Variants in WDR36 observed in about 807,000 individuals in gnomAD.
The protein encoded by WDR36 is WD repeat domain 36.
WDR36 carries 63 observed loss-of-function variants against 112.7 expected under a neutral mutation model. The observed-to-expected ratio is 0.56, with a 90% CI of 0.46 to 0.69. The LOEUF (loss-of-function observed/expected upper bound fraction) is 0.69, where lower values mean the gene tolerates loss of function less well. Ranked by LOEUF, WDR36 falls within the 30% of genes least tolerant of loss-of-function variation. WDR36 has a pLI of 0.00. For synonymous variants in WDR36, 410 were observed against 362.2 expected, an observed-to-expected ratio of 1.13 and a Z score of -1.50; for missense variants, 1,226 against 1,070.3, an observed-to-expected ratio of 1.15 and a Z score of -2.03.
At position 111,092,489 on chromosome 5, in the gene WDR36, C is replaced by T. The variant is rs774101906; in HGVS notation, c.33C>T (p.Ser11=). ...GGGCCTCAGAAAGGCGCACGGCCAG[C>T]GCGCTTTTTGCGGGGTTCCGGGCCT... MERASERRTA[S]ALFAGFRALG... The change falls in exon 1 of 23, where the codon AGC becomes AGT. Residue 11 remains serine, a synonymous_variant. Coordinates refer to ENST00000513710, the MANE Select transcript of WDR36 (RefSeq NM_139281.3). 11 of 1,614,112 alleles carry T rather than the reference C, an allele frequency of 6.8e-6. No individual in the cohort carries two copies. In the East Asian group the frequency reaches 1.1e-4, roughly 16 times the overall value.
chr5:111,109,624 T>A (rs1753287458), intron 12 of WDR36, among the ~76,000 whole-genome samples: 1 of 151,316 alleles, frequency 6.6e-6, no homozygotes, highest in Admixed American at 6.6e-5. Context: ...AAAAAATATA[T>A]TGACATAATA....
intron 16 of WDR36, among the ~76,000 whole-genome samples, chr5:111,114,471 C>G (rs17132785): frequency 0.032 from 4,839 of 152,190 alleles, 257 homozygotes; most frequent in African/African-American, 0.11. Flanking sequence ...CCTTCGAGTT[C>G]GAAACAGGCC....
In WDR36 at chr5:111,128,652, A is replaced by C. The variant is rs1449025880; in HGVS notation, c.*1769A>C. The C allele has an allele frequency of 1.6e-5, 3 of 182,072 alleles. No homozygotes were observed. The highest frequency in any genetic ancestry group is 3.5e-5 in the Non-Finnish European group (3 of 85,330). 11.3% of individuals were successfully genotyped at this position (182,072 alleles called of 1,614,324 possible). A position where few individuals can be genotyped will look rare whatever the true frequency, so the allele number is the denominator to read the frequency against. On this transcript the variant is annotated 3_prime_UTR_variant, in exon 23 of 23. Transcript: ENST00000513710. The stretch of plus-strand genomic sequence containing the variant: ...ATTTTCTTCTCTTTTTAAAGTGAGC[A>C]TAAAGACTTAAGTGTATTGTTACCA...
Position 111,127,034 on chromosome 5 carries a change from T to G in WDR36, c.*151T>G. 1.3e-6 allele frequency: 1 copy of G among 774,070 alleles called. No individual in the cohort carries two copies. Among genetic ancestry groups the G allele is most frequent in the South Asian group, 2.3e-5 (1 of 42,922 alleles). The allele number at this position is 774,070 out of a possible 1,614,324, so 48.0% of individuals were successfully genotyped here. ...CCACTTTAAATGCTAAATACTTTCT[T>G]GAAATAAAATCGCACCTCCCGGCCA... On this transcript the variant is annotated 3_prime_UTR_variant, in exon 23 of 23. Transcript: ENST00000513710.
At chr5:111,125,853 T>C in intron 22 of WDR36, 58 bp downstream of exon 22, 2 of 1,591,330 alleles carry the variant, frequency 1.3e-6, no homozygotes, top group Non-Finnish European at 8.6e-7. Context: ...CAGTGCTATC[T>C]AACAGAACTT....
chr5:111,109,058 A>G (rs1753273441), intron 12 of WDR36, among the ~76,000 whole-genome samples: 1 of 151,332 alleles, frequency 6.6e-6, no homozygotes, highest in Non-Finnish European at 1.5e-5. Context: ...TGGCTTAGAT[A>G]ATACATTAGA....
At chr5:111,124,318 G>T in intron 21 of WDR36, 129 bp downstream of exon 21, 3 of 787,386 alleles carry the variant, frequency 3.8e-6, no homozygotes, top group South Asian at 2.1e-5. Context: ...TGAAATTTTG[G>T]TTTTAATTTG....
chr5:111,119,150 G>A (rs1028424533), intron 17 of WDR36, 30 bp downstream of exon 17: 2 of 1,536,706 alleles, frequency 1.3e-6, no homozygotes, highest in African/African-American at 1.4e-5. Flanking sequence ...TCTGTTTTGG[G>A]ATGAAGAAGA....
intron 16 of WDR36, among the ~76,000 whole-genome samples, chr5:111,118,100 A>G (rs1753492859): frequency 6.6e-6 from 1 of 152,188 alleles, no homozygotes; most frequent in African/African-American, 2.4e-5. Context: ...TTAAGTGGTT[A>G]ATGACTTTCC....
intron 5 of WDR36, 123 bp downstream of exon 5, chr5:111,100,844 T>C (rs753035140): frequency 8.4e-5 from 82 of 971,496 alleles, no homozygotes; most frequent in Non-Finnish European, 1.2e-4. Flanking sequence ...TGTCTATAAA[T>C]AACAGTTGGT....
chr5:111,113,950 T>G (rs1355607488), intron 16 of WDR36, among the ~76,000 whole-genome samples: 1 of 152,178 alleles, frequency 6.6e-6, no homozygotes, highest in Non-Finnish European at 1.5e-5. Context: ...GCACTCCCTC[T>G]CAATACCATC....
chr5:111,111,334 G>T, intron 15 of WDR36, 56 bp downstream of exon 15: 1 of 1,388,496 alleles, frequency 7.2e-7, no homozygotes, highest in Non-Finnish European at 1.0e-6. Flanking sequence ...GTTTGGGTGT[G>T]TTATCCTTTA....
chr5:111,106,508 TTAGTA>T (rs921181601), intron 11 of WDR36, among the ~76,000 whole-genome samples: 16 of 151,510 alleles, frequency 1.1e-4, no homozygotes, highest in African/African-American at 3.9e-4. Flanking sequence ...TACTGAGGTC[TTAGTA>T]TACTATGTCA....
At chr5:111,109,016 A>G (rs1350726829) in intron 12 of WDR36, among the ~76,000 whole-genome samples, 1 of 151,340 alleles carries the variant, frequency 6.6e-6, no homozygotes, top group Non-Finnish European at 1.5e-5. Flanking sequence ...ACTCAAAGAT[A>G]ACATTCACGG....
intron 18 of WDR36, among the ~76,000 whole-genome samples, 180 bp from the exon 19 acceptor site, chr5:111,120,816 A>C (rs1753548154): frequency 6.6e-6 from 1 of 152,148 alleles, no homozygotes; most frequent in African/African-American, 2.4e-5. Context: ...GGGTCTAGTG[A>C]TGGGAGTTTT....
At chr5:111,110,519 A>T (rs1753310051) in intron 13 of WDR36, among the ~76,000 whole-genome samples, 1 of 151,550 alleles carries the variant, frequency 6.6e-6, no homozygotes, top group Admixed American at 6.6e-5. Flanking sequence ...TATTATACAG[A>T]TTAATTTTTT....
rs1209729608 is a variant in WDR36 at position 111,119,014 on chromosome 5, CTT to C, written c.1799_1800del (p.Leu600HisfsTer80). On this transcript the variant is annotated frameshift_variant and splice_region_variant, in exon 17 of 23. Transcript: ENST00000513710. LOFTEE classifies it high-confidence loss of function. ...IRTWDLPSGC[L>X]IDCFLLDSAP... ...TTAACATGTTAATTATTTCTGTAGC[CTT>C]ATAGACTGCTTTTTGTTGGACTCGG... 1 of 1,611,378 alleles carries C rather than the reference CTT, an allele frequency of 6.2e-7. No homozygotes were observed. The highest frequency in any genetic ancestry group is 1.7e-5 in the Admixed American group (1 of 59,986).
At position 111,110,839 on chromosome 5, in the gene WDR36, C is replaced by T; in HGVS notation, c.1493C>T (p.Thr498Ile). The change falls in exon 14 of 23, where the codon ACA becomes ATA. Residue 498 changes from threonine to isoleucine, a missense_variant. Coordinates refer to ENST00000513710, the MANE Select transcript of WDR36 (RefSeq NM_139281.3). ...GCAGTGGATGGATTAAACCAGTTGA[C>T]AGTTACAACTGGTAGTGAAGGATTA... is the stretch of plus-strand genomic sequence containing the variant. The part of the protein sequence containing the change: ...GVAVDGLNQL[T>I]VTTGSEGLLK... 1.9e-6 allele frequency: 3 copies of T among 1,611,290 alleles called. No individual in the cohort carries two copies. Among genetic ancestry groups the T allele is most frequent in the Non-Finnish European group, 2.5e-6 (3 of 1,178,234 alleles).
At position 111,114,231 on chromosome 5, in the gene WDR36, T is replaced by C. The variant is rs562844250; in HGVS notation, c.1796+1078T>C. ...CTCATTTAACATAGGATTGCTTAGA[T>C]GAGTATGAAGAAAGGAAGAATTGTG... On this transcript the variant is annotated intron_variant, in intron 16 of 22. Transcript: ENST00000513710. Among the ~76,000 whole-genome samples, 25 of 152,292 alleles carry C rather than the reference T, an allele frequency of 1.6e-4. No individual in the cohort carries two copies. In the South Asian group the frequency reaches 5.2e-3, roughly 32 times the overall value.
Sources: allele counts gnomAD v4.1 joint callset (sites outside exome capture counted in the v4.1 genomes callset), GRCh38; gene constraint gnomAD v4.1.1; transcripts MANE v1.5; gene names NCBI Gene and HGNC (gene_info 2026-07-23, HGNC 2026-07-21).